Variants in ST8SIA2 observed in about 807,000 individuals in gnomAD.
The protein encoded by ST8SIA2 is ST8 alpha-N-acetyl-neuraminide alpha-2,8-sialyltransferase 2.
In ST8SIA2, 22 loss-of-function variants were observed where a neutral mutation model predicts 37.6. The ratio of observed to expected loss-of-function variants is 0.58; its 90% CI spans 0.42 to 0.83. The LOEUF is 0.83. ST8SIA2 is among the 40% of genes least tolerant of loss of function. The pLI, the probability that ST8SIA2 is intolerant of heterozygous loss-of-function variation, is 0.00. For synonymous variants in ST8SIA2, 205 were observed against 201.2 expected, an observed-to-expected ratio of 1.02 and a Z score of -0.16; for missense variants, 382 against 484.7, an observed-to-expected ratio of 0.79 and a Z score of 1.99.
At chr15:92,445,205 C>T in intron 5 of ST8SIA2, 1 of 548,112 alleles carries the variant, frequency 1.8e-6, no homozygotes, top group Admixed American at 3.1e-5. Context: ...TGTCTTGAGG[C>T]TCAATGGGAA....
rs1420197289 is a variant in ST8SIA2 at position 92,394,152 on chromosome 15, G to A, written c.88G>A (p.Glu30Lys). The A allele has an allele frequency of 2.8e-5, 44 of 1,556,644 alleles. No individual in the cohort carries two copies. Among genetic ancestry groups the A allele is most frequent in the Non-Finnish European group, 3.7e-5 (43 of 1,149,100 alleles). Residue 30 changes from glutamate (E) to lysine (K), a missense_variant, in exon 1 of 6, where the codon GAA becomes AAA. Transcript: ENST00000268164. ...CTTCGCAGACATCTCAGAGATCGAA[G>A]AAGAAATCGGGTAAATAGCTGCTCC... ...LIFADISEIE[E>K]EIGNSGGRGT...
At position 92,465,569 on chromosome 15, in the gene ST8SIA2, TC is replaced by T. The variant is rs1277265361; in HGVS notation, c.*1185del. On this transcript the variant is annotated 3_prime_UTR_variant, in exon 6 of 6. Coordinates refer to ENST00000268164, the MANE Select transcript of ST8SIA2 (RefSeq NM_006011.4). ...GGGCCTTTGCAGCCAGACTGCTGTG[TC>T]AATGTTACTTTCTTGTCACTTTCCT... is the stretch of plus-strand genomic sequence containing the variant. 1 of 152,240 alleles carries T rather than the reference TC, an allele frequency of 6.6e-6. No homozygotes were observed. Among genetic ancestry groups the T allele is most frequent in the East Asian group, 1.9e-4 (1 of 5,196 alleles). 9.4% of individuals were successfully genotyped at this position (152,240 alleles called of 1,614,324 possible).
chr15:92,447,383 T>C (rs557343710), intron 5 of ST8SIA2, among the ~76,000 whole-genome samples: 4 of 152,308 alleles, frequency 2.6e-5, no homozygotes, highest in African/African-American at 4.8e-5. Flanking sequence ...TTCTTGAGCA[T>C]ACGAAGTGTG....
rs190192599 is a variant in ST8SIA2 at position 92,424,386 on chromosome 15, T to A, written c.99-5663T>A. Among the ~76,000 whole-genome samples, 56 of 152,172 alleles carry A rather than the reference T, an allele frequency of 3.7e-4. No individual in the cohort carries two copies. In the East Asian group the frequency reaches 9.3e-3, roughly 25 times the overall value. Reference sequence around the variant, plus strand: ...CAGTTACGAATTTTCAATTAAAAAATTATTAAAAATGAAATAAAATAAACA... The same window carrying A: ...CAGTTACGAATTTTCAATTAAAAAAATATTAAAAATGAAATAAAATAAACA... On this transcript the variant is annotated intron_variant, in intron 1 of 5. Coordinates refer to ENST00000268164, the MANE Select transcript of ST8SIA2 (RefSeq NM_006011.4).
intron 5 of ST8SIA2, among the ~76,000 whole-genome samples, chr15:92,459,223 T>C (rs975487327): frequency 3.9e-5 from 6 of 152,130 alleles, no homozygotes; most frequent in African/African-American, 1.2e-4. Context: ...AACAAACCAT[T>C]GTTTATCTGG....
At chr15:92,455,018 C>T (rs1297177088) in intron 5 of ST8SIA2, among the ~76,000 whole-genome samples, 3 of 152,116 alleles carry the variant, frequency 2.0e-5, no homozygotes, top group African/African-American at 7.2e-5. Context: ...ACTGATTCAG[C>T]TTGCCTCTGG....
chr15:92,456,728 G>A (rs145408716), intron 5 of ST8SIA2, among the ~76,000 whole-genome samples: 75 of 152,310 alleles, frequency 4.9e-4, no homozygotes, highest in African/African-American at 1.7e-3. Context: ...GGTACTGGGA[G>A]AGATGTGCAG....
chr15:92,441,839 G>T (rs2049805274), intron 4 of ST8SIA2, among the ~76,000 whole-genome samples: 1 of 152,232 alleles, frequency 6.6e-6, no homozygotes, highest in African/African-American at 2.4e-5. Flanking sequence ...GAGGCAGAGA[G>T]AGGCAAATGC....
chr15:92,464,614 A>G lies in ST8SIA2; in HGVS notation c.*229A>G. 1.7e-6 allele frequency: 1 copy of G among 586,442 alleles called. No homozygotes were observed. Among genetic ancestry groups the G allele is most frequent in the East Asian group, 3.0e-5 (1 of 33,860 alleles). The allele number at this position is 586,442 out of a possible 1,614,324, so 36.3% of individuals were successfully genotyped here. A position where few individuals can be genotyped will look rare whatever the true frequency, so the allele number is the denominator to read the frequency against. On this transcript the variant is annotated 3_prime_UTR_variant, in exon 6 of 6. Coordinates refer to ENST00000268164, the MANE Select transcript of ST8SIA2 (RefSeq NM_006011.4). ...CATTAGGCAGATAGGCCACAGGAAG[A>G]AGGTGTGGAGAACCCACCTGAACCA... is the stretch of plus-strand genomic sequence containing the variant.
At chr15:92,408,673 TTTTTTTTA>T (rs1425923841) in intron 1 of ST8SIA2, among the ~76,000 whole-genome samples, 1,690 of 125,940 alleles carry the variant, frequency 0.013, 26 homozygotes, top group East Asian at 0.042. Flanking sequence ...CTGAGTTCCA[TTTTTTTTA>T]TTTATTTATT....
In ST8SIA2 at chr15:92,449,606, T is replaced by C. The variant is rs146754913; in HGVS notation, c.842+4677T>C. 4.5e-3 allele frequency among the ~76,000 whole-genome samples: 689 copies of C among 152,344 alleles called. 8 individuals are homozygous for C. Among genetic ancestry groups the C allele is most frequent in the African/African-American group, 0.016 (653 of 41,584 alleles). On this transcript the variant is annotated intron_variant, in intron 5 of 5. Coordinates refer to ENST00000268164, the MANE Select transcript of ST8SIA2 (RefSeq NM_006011.4). The stretch of plus-strand genomic sequence containing the variant: ...CAGCTTTTCACAGTGGCTGAACTAA[T>C]TTACAATCCCAACAATATATAAGCA...
At position 92,444,791 on chromosome 15, in the gene ST8SIA2, G is replaced by A; in HGVS notation, c.704G>A (p.Gly235Asp). 6.2e-7 allele frequency: 1 copy of A among 1,614,136 alleles called. No individual in the cohort carries two copies. The highest frequency in any genetic ancestry group is 8.5e-7 in the Non-Finnish European group (1 of 1,180,030). Residue 235 changes from glycine to aspartate, a missense_variant, in exon 5 of 6, where the codon GGC becomes GAC. Coordinates refer to ENST00000268164, the MANE Select transcript of ST8SIA2 (RefSeq NM_006011.4). Reference protein sequence around the residue: ...KLLQRLHSLNGSILWIPAFMA... With the variant: ...KLLQRLHSLNDSILWIPAFMA... ...CTGCAACGGCTGCACAGCCTCAATG[G>A]CAGCATCCTGTGGATCCCTGCCTTC...
chr15:92,438,663 T>C, intron 4 of ST8SIA2, 53 bp downstream of exon 4: 2 of 1,526,198 alleles, frequency 1.3e-6, no homozygotes, highest in Non-Finnish European at 1.8e-6. Context: ...AGGCTGTGTT[T>C]CAGTGGAGCA....
At chr15:92,403,687 G>A (rs1046351925) in intron 1 of ST8SIA2, among the ~76,000 whole-genome samples, 3 of 152,170 alleles carry the variant, frequency 2.0e-5, no homozygotes, top group Non-Finnish European at 4.4e-5. Context: ...AAGATGTCTG[G>A]AGAAAGTGAA....
chr15:92,416,638 CCGTTGGACCCGCTCCAGGAGACAT>C (rs1459082631), intron 1 of ST8SIA2, among the ~76,000 whole-genome samples: 1 of 152,142 alleles, frequency 6.6e-6, no homozygotes, highest in African/African-American at 2.4e-5. Flanking sequence ...AGAGAACGTG[CCGTTGGACCCGCTCCAGGAGACAT>C]GGGGACATAC....
intron 2 of ST8SIA2, among the ~76,000 whole-genome samples, chr15:92,431,997 C>A (rs1329966801): frequency 2.0e-5 from 3 of 152,150 alleles, no homozygotes; most frequent in Non-Finnish European, 4.4e-5. Flanking sequence ...AGTCTGGAAA[C>A]CTTTCCTGGA....
intron 5 of ST8SIA2, among the ~76,000 whole-genome samples, chr15:92,461,798 A>G (rs1190567451): frequency 6.6e-6 from 1 of 152,194 alleles, no homozygotes; most frequent in Non-Finnish European, 1.5e-5. Flanking sequence ...TACTAGGTGG[A>G]GGACAGATCA....
rs1177124740 is a variant in ST8SIA2, at chr15:92,441,053, T to C, written c.548+2443T>C. ...GGGCCTCCATGTGGCTTTACTAGAA[T>C]GGCAGACGCTGTGAAGCTCCTGATG... On this transcript the variant is annotated intron_variant, in intron 4 of 5. Coordinates refer to ENST00000268164, the MANE Select transcript of ST8SIA2 (RefSeq NM_006011.4). Among the ~76,000 whole-genome samples the C allele has an allele frequency of 3.9e-5, 6 of 152,290 alleles. No individual in the cohort carries two copies. In the East Asian group the frequency reaches 1.2e-3, roughly 30 times the overall value.
chr15:92,397,966 C>G (rs2049443421), intron 1 of ST8SIA2, among the ~76,000 whole-genome samples: 1 of 152,088 alleles, frequency 6.6e-6, no homozygotes, highest in Admixed American at 6.5e-5. Flanking sequence ...AACTCCATCT[C>G]TACTAAAAGT....
Sources: allele counts gnomAD v4.1 joint callset (sites outside exome capture counted in the v4.1 genomes callset), GRCh38; gene constraint gnomAD v4.1.1; transcripts MANE v1.5; gene names NCBI Gene and HGNC (gene_info 2026-07-23, HGNC 2026-07-21).